CTNNA3: variants seen among roughly 807,000 people sequenced by gnomAD.
CTNNA3 encodes catenin alpha-3.
Under a neutral mutation model 95.7 loss-of-function variants are expected in CTNNA3, and 76 were observed. The ratio of observed to expected loss-of-function variants is 0.79; its 90% CI spans 0.66 to 0.96. The LOEUF (loss-of-function observed/expected upper bound fraction) is 0.96, where lower values mean the gene tolerates loss of function less well. Among genes scored for constraint, CTNNA3 ranks in the 40% least tolerant of loss-of-function variants. The pLI, the probability that CTNNA3 is intolerant of heterozygous loss-of-function variation, is 0.00. For synonymous variants in CTNNA3, 431 were observed against 374.4 expected, an observed-to-expected ratio of 1.15 and a Z score of -1.74; for missense variants, 1,191 against 1,089.8, an observed-to-expected ratio of 1.09 and a Z score of -1.31.
At chr10:66,538,738 G>A (rs1299331536) in intron 10 of CTNNA3, among the ~76,000 whole-genome samples, 2 of 152,160 alleles carry the variant, frequency 1.3e-5, no homozygotes, top group African/African-American at 4.8e-5. Context: ...AGGAACTGCT[G>A]TGGATTTAAA....
intron 11 of CTNNA3, among the ~76,000 whole-genome samples, chr10:66,382,355 C>T (rs563217072): frequency 1.3e-4 from 20 of 152,242 alleles, no homozygotes; most frequent in African/African-American, 3.1e-4. Context: ...GATCGATCTG[C>T]GAGGCGGCAG....
chr10:67,017,644 T>C (rs1852737307), intron 7 of CTNNA3, among the ~76,000 whole-genome samples: 1 of 152,114 alleles, frequency 6.6e-6, no homozygotes, highest in Admixed American at 6.6e-5. Context: ...GAAGTGGAGG[T>C]ATTTGAAAAT....
At position 66,443,543 on chromosome 10, in the gene CTNNA3, G is replaced by T. The variant is rs188732701; in HGVS notation, c.1532-64191C>A. ...GCCACTGCTGTTCTGCAGCCACCAC[G>T]GCTGACACCCAGGCAAAAAGGGTCT... On this transcript the variant is annotated intron_variant, in intron 11 of 17. Coordinates refer to ENST00000433211, the MANE Select transcript of CTNNA3 (RefSeq NM_013266.4). Among the ~76,000 whole-genome samples the T allele has an allele frequency of 8.5e-3, 1,291 of 152,196 alleles. 19 individuals are homozygous for T. Among genetic ancestry groups the T allele is most frequent in the African/African-American group, 0.03 (1,234 of 41,510 alleles).
Position 65,915,065 on chromosome 10 carries a change from A to G in CTNNA3, c.*5265T>C, listed in dbSNP as rs2076989276. 1.3e-5 allele frequency: 2 copies of G among 152,078 alleles called. 1 individual carries two copies. The highest frequency in any genetic ancestry group is 4.2e-4 in the South Asian group (2 of 4,814). 9.4% of individuals were successfully genotyped at this position (152,078 alleles called of 1,614,324 possible). A position where few individuals can be genotyped will look rare whatever the true frequency, so the allele number is the denominator to read the frequency against. ...CTGGCACATGAGGGCAAGGATCACT[A>G]TTTGTTTTGTTATATGGTGTATCCT... On this transcript the variant is annotated 3_prime_UTR_variant, in exon 18 of 18. Coordinates refer to ENST00000433211, the MANE Select transcript of CTNNA3 (RefSeq NM_013266.4).
At chr10:66,900,010 A>G (rs1253019944) in intron 7 of CTNNA3, among the ~76,000 whole-genome samples, 1 of 152,158 alleles carries the variant, frequency 6.6e-6, no homozygotes, top group Non-Finnish European at 1.5e-5. Flanking sequence ...CTCCCAGCAC[A>G]GTGTTTGAGC....
At chr10:66,981,228 T>C (rs1417538746) in intron 7 of CTNNA3, among the ~76,000 whole-genome samples, 1 of 152,174 alleles carries the variant, frequency 6.6e-6, no homozygotes, top group Non-Finnish European at 1.5e-5. Context: ...TAGTAGTTTA[T>C]TCCTAAATCA....
intron 1 of CTNNA3, among the ~76,000 whole-genome samples, chr10:67,649,908 C>T (rs1406266265): frequency 2.0e-5 from 3 of 152,172 alleles, no homozygotes; most frequent in Admixed American, 6.5e-5. Context: ...GGCCTGATCT[C>T]GGCTCACCAC....
intron 15 of CTNNA3, among the ~76,000 whole-genome samples, chr10:66,010,478 G>T (rs1396970014): frequency 1.3e-5 from 2 of 152,036 alleles, no homozygotes; most frequent in African/African-American, 4.8e-5. Context: ...TACAAATAAT[G>T]ATAATAATAA....
At chr10:66,188,398 C>A (rs896534746) in intron 13 of CTNNA3, among the ~76,000 whole-genome samples, 1 of 152,024 alleles carries the variant, frequency 6.6e-6, no homozygotes, top group Non-Finnish European at 1.5e-5. Flanking sequence ...CCCCTGGTAA[C>A]CACCATACTA....
intron 11 of CTNNA3, among the ~76,000 whole-genome samples, chr10:66,384,883 T>C (rs1400448395): frequency 1.3e-5 from 2 of 152,140 alleles, no homozygotes; most frequent in Admixed American, 6.5e-5. Context: ...AAGATGTTAT[T>C]TGAAACCAAT....
intron 9 of CTNNA3, among the ~76,000 whole-genome samples, chr10:66,693,155 GAC>G (rs1847620018): frequency 6.6e-6 from 1 of 152,112 alleles, no homozygotes; most frequent in African/African-American, 2.4e-5. Flanking sequence ...CCAATTAAAA[GAC>G]ACAGACTGGC....
intron 7 of CTNNA3, among the ~76,000 whole-genome samples, chr10:66,887,623 A>C (rs1405509420): frequency 6.6e-6 from 1 of 152,130 alleles, no homozygotes; most frequent in African/African-American, 2.4e-5. Flanking sequence ...GGAGTGAGTA[A>C]AGTTATTACT....
At chr10:66,171,537 C>T (rs1294161118) in intron 13 of CTNNA3, among the ~76,000 whole-genome samples, 1 of 147,396 alleles carries the variant, frequency 6.8e-6, no homozygotes, top group African/African-American at 2.5e-5. Context: ...TAGAGCAAGA[C>T]TCCATCTCAA....
intron 2 of CTNNA3, among the ~76,000 whole-genome samples, chr10:67,625,115 C>T (rs897956104): frequency 1.1e-4 from 17 of 152,092 alleles, no homozygotes; most frequent in African/African-American, 3.4e-4. Context: ...ACTAGGAACC[C>T]GGAGGTACCT....
At chr10:66,807,911 T>A (rs4509648) in intron 7 of CTNNA3, among the ~76,000 whole-genome samples, 83,317 of 151,676 alleles carry the variant, frequency 0.55, 23,444 homozygotes, top group East Asian at 0.76. Flanking sequence ...TTTTCAGGAG[T>A]TTCCCTTAGT....
At chr10:66,328,943 CAT>C (rs2092291992) in intron 12 of CTNNA3, among the ~76,000 whole-genome samples, 2 of 71,710 alleles carry the variant, frequency 2.8e-5, no homozygotes, top group Non-Finnish European at 6.9e-5. Flanking sequence ...TACACACACA[CAT>C]ATAAATATAA....
chr10:66,646,039 A>C (rs1221941811), intron 9 of CTNNA3, among the ~76,000 whole-genome samples: 1 of 152,134 alleles, frequency 6.6e-6, no homozygotes, highest in Admixed American at 6.5e-5. Context: ...TATTTTTGCT[A>C]TTCATTGTAA....
At chr10:65,963,742 C>T (rs946712394) in intron 17 of CTNNA3, among the ~76,000 whole-genome samples, 3 of 152,128 alleles carry the variant, frequency 2.0e-5, no homozygotes, top group Non-Finnish European at 4.4e-5. Flanking sequence ...TTTGAATGAA[C>T]TACATATATT....
rs1018054001 is a variant in CTNNA3 at position 66,407,874 on chromosome 10, C to T, written c.1532-28522G>A. ...GATTACAGGCGTGAGAAACCACACCCGGCCAACTTTTACATATTTTTAAAT... is the reference window on the plus strand; with the variant it reads ...GATTACAGGCGTGAGAAACCACACCTGGCCAACTTTTACATATTTTTAAAT... On this transcript the variant is annotated intron_variant, in intron 11 of 17. Coordinates refer to ENST00000433211, the MANE Select transcript of CTNNA3 (RefSeq NM_013266.4). 4.6e-5 allele frequency among the ~76,000 whole-genome samples: 7 copies of T among 152,128 alleles called. No individual in the cohort carries two copies. In the East Asian group the frequency reaches 5.8e-4, roughly 13 times the overall value.
Sources: gnomAD v4.1 joint callset for allele counts (sites outside exome capture counted in the v4.1 genomes callset) on GRCh38, gnomAD v4.1.1 for gene constraint, MANE v1.5 for transcripts, NCBI Gene and HGNC (gene_info 2026-07-23, HGNC 2026-07-21) for gene names.